C12orf42: variants seen among roughly 807,000 people sequenced by gnomAD.
C12orf42 encodes uncharacterized protein C12orf42.
C12orf42 carries 25 observed loss-of-function variants against 21.6 expected under a neutral mutation model. That is an observed-to-expected ratio of 1.16 (90% confidence interval 0.84 to 1.62). The LOEUF is 1.62. C12orf42 is among the 40% of genes most tolerant of loss of function. The pLI is 0.00. For synonymous variants in C12orf42, 174 were observed against 175.0 expected, an observed-to-expected ratio of 0.99 and a Z score of 0.05; for missense variants, 483 against 459.3, an observed-to-expected ratio of 1.05 and a Z score of -0.47.
chr12:103,123,006 G>A, the C12orf42 span, among the ~76,000 whole-genome samples: 1,759 of 152,268 alleles, frequency 0.012, 31 homozygotes, highest in African/African-American at 0.04. Flanking sequence ...AACAATGGTG[G>A]TTTGGATCAG....
the C12orf42 span, among the ~76,000 whole-genome samples, chr12:103,130,703 C>T: frequency 2.3e-4 from 35 of 152,218 alleles, no homozygotes; most frequent in South Asian, 6.2e-4. Context: ...CCAGGAGCTC[C>T]GTAGGTAGAA....
At chr12:103,178,898 C>A in the C12orf42 span, among the ~76,000 whole-genome samples, 2 of 152,170 alleles carry the variant, frequency 1.3e-5, no homozygotes, top group Non-Finnish European at 2.9e-5. Context: ...GCTGGAAAGT[C>A]ACAAGTCCTG....
At chr12:103,411,912 C>G (rs1472723059) in intron 2 of C12orf42, among the ~76,000 whole-genome samples, 1 of 152,120 alleles carries the variant, frequency 6.6e-6, no homozygotes, top group Non-Finnish European at 1.5e-5. Context: ...AAGAAATTGA[C>G]TTAAAAAGTT....
chr12:103,068,932 C>CATATATATATATATATAT, the C12orf42 span, among the ~76,000 whole-genome samples: 1 of 48,212 alleles, frequency 2.1e-5, no homozygotes, highest in Non-Finnish European at 4.1e-5. Context: ...TCTCTCTCTC[C>CATATATATATATATATAT]ACATATATAT....
the C12orf42 span, among the ~76,000 whole-genome samples, chr12:103,079,422 A>G: frequency 2.0e-5 from 3 of 152,348 alleles, no homozygotes; most frequent in African/African-American, 7.2e-5. Context: ...AACTGATGAT[A>G]GTTTTCTAGA....
chr12:103,237,540 GT>G (rs1186675982), downstream of C12orf42: 2 of 152,172 alleles, frequency 1.3e-5, no homozygotes, highest in Non-Finnish European at 2.9e-5. Context: ...CACATAGCAG[GT>G]GTATTGGTTA....
intron 2 of C12orf42, among the ~76,000 whole-genome samples, chr12:103,426,875 G>T (rs1468311701): frequency 6.6e-6 from 1 of 152,146 alleles, no homozygotes; most frequent in Non-Finnish European, 1.5e-5. Context: ...ATAAGTGAAG[G>T]AGAAATGAAA....
At chr12:103,370,128 A>C (rs1437497116) in intron 3 of C12orf42, among the ~76,000 whole-genome samples, 1 of 152,196 alleles carries the variant, frequency 6.6e-6, no homozygotes, top group East Asian at 1.9e-4. Context: ...CAAATGAAAA[A>C]ATGCTCAACA....
At chr12:103,204,628 G>A in the C12orf42 span, among the ~76,000 whole-genome samples, 1,067 of 152,174 alleles carry the variant, frequency 7.0e-3, 20 homozygotes, top group African/African-American at 0.025. Context: ...TGCTTTTTTA[G>A]GAAAAATAGC....
the C12orf42 span, among the ~76,000 whole-genome samples, chr12:103,157,768 C>G: frequency 1.1e-4 from 17 of 152,144 alleles, no homozygotes; most frequent in Non-Finnish European, 2.9e-5. Flanking sequence ...TGTAGAAGAT[C>G]AGATGGTTGT....
the C12orf42 span, among the ~76,000 whole-genome samples, chr12:103,116,083 C>T: frequency 4.6e-5 from 7 of 152,066 alleles, no homozygotes; most frequent in African/African-American, 1.2e-4. Context: ...AATTTGGGGC[C>T]GGGCGCAGTG....
intron 1 of C12orf42, among the ~76,000 whole-genome samples, chr12:103,479,565 C>G (rs1954314464): frequency 6.6e-6 from 1 of 152,002 alleles, no homozygotes; most frequent in African/African-American, 2.4e-5. Flanking sequence ...TGATATTTGT[C>G]ATATTTTAAT....
At chr12:103,380,547 C>T (rs1434444258) in intron 3 of C12orf42, among the ~76,000 whole-genome samples, 1 of 152,058 alleles carries the variant, frequency 6.6e-6, no homozygotes, top group Non-Finnish European at 1.5e-5. Flanking sequence ...GGAATTAGAA[C>T]TTTGTTGTAT....
At chr12:103,468,719 G>A (rs1462255748) in intron 2 of C12orf42, among the ~76,000 whole-genome samples, 1 of 151,376 alleles carries the variant, frequency 6.6e-6, no homozygotes, top group Non-Finnish European at 1.5e-5. Flanking sequence ...CAAACCCTAT[G>A]GGGAAAGAAA....
chr12:103,189,867 T>A, the C12orf42 span, among the ~76,000 whole-genome samples: 4,418 of 152,224 alleles, frequency 0.029, 97 homozygotes, highest in Non-Finnish European at 0.046. Flanking sequence ...CCAGACTGAG[T>A]TGAGAAGCAT....
intron 2 of C12orf42, among the ~76,000 whole-genome samples, chr12:103,437,468 T>C (rs1309595715): frequency 5.3e-5 from 8 of 152,070 alleles, no homozygotes; most frequent in African/African-American, 1.7e-4. Flanking sequence ...ATCCAGGAGC[T>C]GGTTTTTTGA....
the C12orf42 span, among the ~76,000 whole-genome samples, chr12:103,521,373 C>T: frequency 6.6e-6 from 1 of 152,180 alleles, no homozygotes; most frequent in African/African-American, 2.4e-5. Context: ...AGATCATGTC[C>T]TTTGCAGGAA....
At chr12:103,270,572 ATTTATTTAT>A (rs2035410479) in intron 5 of C12orf42, among the ~76,000 whole-genome samples, 1 of 145,370 alleles carries the variant, frequency 6.9e-6, no homozygotes, top group Non-Finnish European at 1.5e-5. Flanking sequence ...TTATTTATTT[ATTTATTTAT>A]TTTATTATTA....
At chr12:103,155,856 A>AGTGTATATATACATATATACATATATGT in the C12orf42 span, among the ~76,000 whole-genome samples, 9 of 150,354 alleles carry the variant, frequency 6.0e-5, no homozygotes, top group South Asian at 2.1e-4. Flanking sequence ...TACATATATG[A>AGTGTATATATACATATATACATATATGT]GTGTATATAT....
Sources: gnomAD v4.1 joint callset for allele counts (sites outside exome capture counted in the v4.1 genomes callset) on GRCh38, gnomAD v4.1.1 for gene constraint, MANE v1.5 for transcripts, NCBI Gene and HGNC (gene_info 2026-07-23, HGNC 2026-07-21) for gene names.